The following RAB17 variants were observed in gnomAD, a reference collection of about 807,000 sequenced individuals.
The protein encoded by RAB17 is ras-related protein Rab-17.
RAB17 carries 15 observed loss-of-function variants against 19.3 expected under a neutral mutation model. The ratio of observed to expected loss-of-function variants is 0.78; its 90% CI spans 0.52 to 1.20. The LOEUF is 1.20. RAB17 is among the 50% of genes most tolerant of loss of function. The probability of loss-of-function intolerance (pLI) is 0.00; values close to 1 mark genes in which losing one functional copy is unlikely to be tolerated. For synonymous variants in RAB17, 110 were observed against 112.8 expected, an observed-to-expected ratio of 0.97 and a Z score of 0.16; for missense variants, 262 against 269.3, an observed-to-expected ratio of 0.97 and a Z score of 0.19.
chr2:237,578,475 G>A lies in RAB17; in HGVS notation c.158-320C>T, dbSNP rs140118770. The A allele has an allele frequency of 5.9e-3, 1,302 of 220,360 alleles. 60 individuals are homozygous for A. The highest frequency in any genetic ancestry group is 0.059 in the Admixed American group (1,161 of 19,680). The allele number at this position is 220,360 out of a possible 1,614,324, so 13.7% of individuals were successfully genotyped here. A position where few individuals can be genotyped will look rare whatever the true frequency, so the allele number is the denominator to read the frequency against. On this transcript the variant is annotated intron_variant, in intron 2 of 5. Transcript: ENST00000264601. Reference sequence around the variant, plus strand: ...AGGGATCTCCACTTACTGGGAGTCCGATGCATCCCTGCCAGCTTCCAGCGA... The same window carrying A: ...AGGGATCTCCACTTACTGGGAGTCCAATGCATCCCTGCCAGCTTCCAGCGA...
At chr2:237,588,807 T>A (rs1460447375) in intron 1 of RAB17, among the ~76,000 whole-genome samples, 1 of 152,250 alleles carries the variant, frequency 6.6e-6, no homozygotes. Context: ...TCAAAAAATC[T>A]GTAGCCCGAA....
chr2:237,576,590 C>G, intron 4 of RAB17: 2 of 471,274 alleles, frequency 4.2e-6, no homozygotes, highest in South Asian at 3.1e-5. Flanking sequence ...GCGCGCCCGT[C>G]GGTCTAAGCC....
intron 2 of RAB17, among the ~76,000 whole-genome samples, chr2:237,583,165 C>T (rs1207733704): frequency 6.6e-6 from 1 of 152,014 alleles, no homozygotes; most frequent in East Asian, 1.9e-4. Flanking sequence ...TGGCAAAACC[C>T]TATCTCTACA....
rs201659217 is a variant in RAB17, at chr2:237,574,554, C to A, written c.*465G>T. ...CTGGGCCCACCCCACAGTCAGTCAT[C>A]GCTCCATTTCTTCCTGGCACCACCA... is the stretch of plus-strand genomic sequence containing the variant. On this transcript the variant is annotated 3_prime_UTR_variant, in exon 6 of 6. Coordinates refer to ENST00000264601, the MANE Select transcript of RAB17 (RefSeq NM_022449.4). 5 of 1,550,068 alleles carry A rather than the reference C, an allele frequency of 3.2e-6. No homozygotes were observed. The highest frequency in any genetic ancestry group is 8.7e-7 in the Non-Finnish European group (1 of 1,146,758).
intron 2 of RAB17, among the ~76,000 whole-genome samples, chr2:237,583,006 G>T (rs954461880): frequency 6.6e-6 from 1 of 152,226 alleles, no homozygotes; most frequent in Non-Finnish European, 1.5e-5. Flanking sequence ...GGAGGCTGAG[G>T]CAGGAGAATC....
At chr2:237,578,507 T>G (rs570046462) in intron 2 of RAB17, 1 of 189,298 alleles carries the variant, frequency 5.3e-6, no homozygotes, top group Admixed American at 5.3e-5. Flanking sequence ...GCGATGCAGC[T>G]GGGCTCTGGG....
intron 2 of RAB17, chr2:237,579,639 C>G (rs895279251): frequency 2.6e-5 from 4 of 152,148 alleles, no homozygotes; most frequent in Non-Finnish European, 5.9e-5. Context: ...TGCAAAGACC[C>G]TCTCTCCAAA....
At chr2:237,580,658 G>A (rs1422091201) in intron 2 of RAB17, among the ~76,000 whole-genome samples, 1 of 151,900 alleles carries the variant, frequency 6.6e-6, no homozygotes, top group Admixed American at 6.6e-5. Flanking sequence ...AGAATCGCTT[G>A]AACCCAGGAG....
At chr2:237,575,507 C>T (rs754574468) in intron 4 of RAB17, 27 bp from the exon 5 acceptor site, 44 of 1,559,528 alleles carry the variant, frequency 2.8e-5, no homozygotes, top group Non-Finnish European at 3.6e-5. Context: ...CAAAATCCAG[C>T]GCTGTTTATA....
chr2:237,585,772 G>T (rs1461429607), intron 2 of RAB17, among the ~76,000 whole-genome samples: 1 of 152,176 alleles, frequency 6.6e-6, no homozygotes, highest in Non-Finnish European at 1.5e-5. Context: ...GCAGACTCCA[G>T]CTGAGCTGAA....
intron 2 of RAB17, among the ~76,000 whole-genome samples, chr2:237,583,317 ACT>A (rs1376725458): frequency 1.3e-5 from 2 of 151,868 alleles, no homozygotes; most frequent in East Asian, 1.9e-4. Flanking sequence ...ACAGAGCAAG[ACT>A]CTGTCTCAAA....
intron 2 of RAB17, among the ~76,000 whole-genome samples, chr2:237,584,419 T>C (rs1176238391): frequency 1.3e-5 from 2 of 152,148 alleles, no homozygotes; most frequent in African/African-American, 4.8e-5. Context: ...CTGTAGCAGA[T>C]ACTTTAGGTT....
chr2:237,577,887 T>C, intron 3 of RAB17, 117 bp downstream of exon 3: 1 of 1,195,982 alleles, frequency 8.4e-7, no homozygotes, highest in Non-Finnish European at 1.2e-6. Flanking sequence ...GAGGTGACTG[T>C]TGCTCACTAA....
At chr2:237,583,109 T>A (rs892383123) in intron 2 of RAB17, among the ~76,000 whole-genome samples, 11 of 151,990 alleles carry the variant, frequency 7.2e-5, no homozygotes, top group African/African-American at 2.2e-4. Flanking sequence ...TCAAAAAAAA[T>A]AATAATAAAA....
intron 2 of RAB17, among the ~76,000 whole-genome samples, chr2:237,579,931 G>A (rs1046535254): frequency 6.6e-6 from 1 of 152,232 alleles, no homozygotes; most frequent in East Asian, 1.9e-4. Flanking sequence ...AAACAAAGCT[G>A]CAGTCTCCAT....
Position 237,575,372 on chromosome 2 carries a change from G to A in RAB17, c.529+15C>T, listed in dbSNP as rs764424565. 41 of 1,596,346 alleles carry A rather than the reference G, an allele frequency of 2.6e-5. No homozygotes were observed. In the South Asian group the frequency reaches 3.4e-4, roughly 13 times the overall value. ...AGCACCTCCCCCTTGTCTGGCCCAC[G>A]GGGACGTGACTCACCCACTGTATTG... On this transcript the variant is annotated intron_variant, in intron 5 of 5. Transcript: ENST00000264601.
chr2:237,576,587 C>G (rs995623001), intron 4 of RAB17: 1 of 471,264 alleles, frequency 2.1e-6, no homozygotes, highest in South Asian at 1.5e-5. Flanking sequence ...GAGGCGCGCC[C>G]GTCGGTCTAA....
intron 2 of RAB17, among the ~76,000 whole-genome samples, chr2:237,581,506 C>T (rs747571960): frequency 2.6e-5 from 4 of 152,160 alleles, no homozygotes; most frequent in Non-Finnish European, 4.4e-5. Flanking sequence ...CTGCCCGCCT[C>T]GGCCTCCCAA....
rs1169791166 is a variant in RAB17 at position 237,575,445 on chromosome 2, C to T, written c.471G>A (p.Leu157=). The change falls in exon 5 of 6, where the codon CTG becomes CTA. Residue 157 remains leucine, a synonymous_variant. Coordinates refer to ENST00000264601, the MANE Select transcript of RAB17 (RefSeq NM_022449.4). ...TCAGTTTGGCCGAAGTTTCCATGAACAGCAACTTCTGGCTGTCGGCAAACT... is the reference window on the plus strand; with the variant it reads ...TCAGTTTGGCCGAAGTTTCCATGAATAGCAACTTCTGGCTGTCGGCAAACT... ...GKEFADSQKL[L]FMETSAKLNH... 1.2e-6 allele frequency: 2 copies of T among 1,612,492 alleles called. No homozygotes were observed. The highest frequency in any genetic ancestry group is 8.5e-7 in the Non-Finnish European group (1 of 1,179,586).
Sources: gnomAD v4.1 joint callset for allele counts (sites outside exome capture counted in the v4.1 genomes callset) on GRCh38, gnomAD v4.1.1 for gene constraint, MANE v1.5 for transcripts, NCBI Gene and HGNC (gene_info 2026-07-23, HGNC 2026-07-21) for gene names.